TBX20: variants seen among roughly 807,000 people sequenced by gnomAD.
TBX20 encodes T-box transcription factor 20, also known as T-box transcription factor TBX20.
A neutral mutation model predicts 42.9 loss-of-function variants in TBX20; 8 were observed. The ratio of observed to expected loss-of-function variants is 0.19; its 90% CI spans 0.11 to 0.34. The LOEUF (loss-of-function observed/expected upper bound fraction) is 0.34, where lower values mean the gene tolerates loss of function less well. Among genes scored for constraint, TBX20 ranks in the 10% least tolerant of loss-of-function variants. TBX20 has a pLI of 1.00. For missense variants in TBX20, 411 were observed against 566.0 expected (o/e 0.73, Z 2.78); for synonymous variants, 198 against 222.8 (o/e 0.89, Z 0.99).
In TBX20 at chr7:35,253,671, C is replaced by T. The variant is rs776770010; in HGVS notation, c.-51G>A. The stretch of plus-strand genomic sequence containing the variant: ...GGGACGGGGTCGTCCGAACTGCCGT[C>T]CAGATTCCCCAAGGGAGACAAAGAC... On this transcript the variant is annotated 5_prime_UTR_variant, in exon 1 of 8. Coordinates refer to ENST00000408931, the MANE Select transcript of TBX20 (RefSeq NM_001077653.2). The T allele has an allele frequency of 5.0e-6, 8 of 1,596,086 alleles. No homozygotes were observed. The highest frequency in any genetic ancestry group is 3.4e-5 in the Admixed American group (2 of 58,598).
At chr7:35,211,828 G>A (rs57816259) in intron 6 of TBX20, among the ~76,000 whole-genome samples, 3,116 of 152,000 alleles carry the variant, frequency 0.021, 98 homozygotes, top group African/African-American at 0.07. Flanking sequence ...TATGTAATAC[G>A]TCTATCATTC....
At position 35,240,929 on chromosome 7, in the gene TBX20, T is replaced by C; in HGVS notation, c.763A>G (p.Ile255Val). 2 of 1,613,958 alleles carry C rather than the reference T, an allele frequency of 1.2e-6. No individual in the cohort carries two copies. The highest frequency in any genetic ancestry group is 1.7e-4 in the Middle Eastern group (1 of 6,056). Residue 255 changes from isoleucine to valine, a missense_variant, in exon 5 of 8, where the codon ATC becomes GTC. By Grantham distance (29) the Ile-to-Val change is conservative. Around this residue, in one of 5 missense-constraint regions of TBX20, gnomAD observed 121 missense variants for 165.9 expected, o/e 0.73. Transcript: ENST00000408931. ...GCCGTAAAAACTGTTTCTGGAAAGA[T>C]GAAAGTTCTAAATTCTTCAGACTTC... The part of the protein sequence containing the change: ...NLKSEEFRTF[I>V]FPETVFTAVT...
In TBX20 at chr7:35,241,131, C is replaced by T. The variant is rs575537686; in HGVS notation, c.655-94G>A. 3.9e-5 allele frequency: 44 copies of T among 1,123,476 alleles called. No individual in the cohort carries two copies. In the South Asian group the frequency reaches 5.7e-4, roughly 15 times the overall value. The allele number at this position is 1,123,476 out of a possible 1,614,324, so 69.6% of individuals were successfully genotyped here. ...AGGCAAGAAAGAACCAAATGGTCTA[C>T]AATTTCAAAGTCAATTTTAAGATAT... On this transcript the variant is annotated intron_variant, in intron 4 of 7. Coordinates refer to ENST00000408931, the MANE Select transcript of TBX20 (RefSeq NM_001077653.2).
chr7:35,210,309 G>A (rs1332208687), intron 6 of TBX20, among the ~76,000 whole-genome samples: 1 of 151,790 alleles, frequency 6.6e-6, no homozygotes, highest in Non-Finnish European at 1.5e-5. Context: ...TAGAGACCGG[G>A]TTTCACCATT....
intron 6 of TBX20, among the ~76,000 whole-genome samples, chr7:35,207,777 C>CT (rs1290289981): frequency 6.6e-6 from 1 of 152,122 alleles, no homozygotes; most frequent in African/African-American, 2.4e-5. Context: ...CTCTTGGACT[C>CT]TTTATTCTAT....
At chr7:35,214,537 C>A (rs1260545447) in intron 6 of TBX20, among the ~76,000 whole-genome samples, 5 of 152,188 alleles carry the variant, frequency 3.3e-5, no homozygotes, top group African/African-American at 1.2e-4. Context: ...ATAACACGGA[C>A]CCTAATTAAT....
At chr7:35,210,176 G>A (rs1260655028) in intron 6 of TBX20, among the ~76,000 whole-genome samples, 10 of 149,072 alleles carry the variant, frequency 6.7e-5, no homozygotes, top group East Asian at 5.9e-4. Flanking sequence ...GTGCAGTGGC[G>A]CAATCTCAGC....
intron 5 of TBX20, 66 bp from the exon 6 acceptor site, chr7:35,231,646 T>C: frequency 9.4e-7 from 1 of 1,065,656 alleles, no homozygotes. Flanking sequence ...CAGAAATAGT[T>C]TGTTCATTCT....
At chr7:35,234,298 A>G (rs370281378) in intron 5 of TBX20, among the ~76,000 whole-genome samples, 70 of 152,282 alleles carry the variant, frequency 4.6e-4, no homozygotes, top group South Asian at 1.0e-3. Context: ...TGAAAATCAC[A>G]TTTCTTGTTC....
chr7:35,237,675 G>A (rs758664439), intron 5 of TBX20, among the ~76,000 whole-genome samples: 16 of 152,138 alleles, frequency 1.1e-4, no homozygotes, highest in Non-Finnish European at 2.2e-4. Flanking sequence ...TATTTGTTTC[G>A]TTTTTTGTAT....
chr7:35,241,799 T>C (rs1790087814), intron 4 of TBX20, among the ~76,000 whole-genome samples: 1 of 152,188 alleles, frequency 6.6e-6, no homozygotes, highest in African/African-American at 2.4e-5. Context: ...ACACCCTTGT[T>C]AACAAGGCAG....
intron 3 of TBX20, among the ~76,000 whole-genome samples, chr7:35,246,045 A>G (rs936884209): frequency 3.9e-5 from 6 of 152,240 alleles, no homozygotes; most frequent in Non-Finnish European, 8.8e-5. Flanking sequence ...TATTTTTACT[A>G]GGGCAAAAGC....
chr7:35,204,491 T>C lies in TBX20; in HGVS notation c.982A>G (p.Ser328Gly), dbSNP rs1175252959. 7 of 1,613,368 alleles carry C rather than the reference T, an allele frequency of 4.3e-6. No homozygotes were observed. The highest frequency in any genetic ancestry group is 5.1e-6 in the Non-Finnish European group (6 of 1,179,442). ...TTACCTCGATTTGGGGTTGTCTGAC[T>C]CTCATCCCCCAAGACATCTTCTTCT... The part of the protein sequence containing the change: ...GGEEDVLGDE[S>G]QTTPNRGSAF... Residue 328 changes from serine to glycine, a missense_variant, in exon 7 of 8, where the codon AGT (serine) becomes GGT (glycine). Ser to Gly is a moderately conservative substitution (Grantham distance 56). This residue lies in a region of TBX20 where 162 missense variants were observed against 205.4 expected (regional missense o/e 0.79). Transcript: ENST00000408931.
chr7:35,231,647 T>C (rs1036020652), intron 5 of TBX20, 67 bp from the exon 6 acceptor site: 5 of 1,066,264 alleles, frequency 4.7e-6, no homozygotes, highest in Admixed American at 1.7e-5. Context: ...AGAAATAGTT[T>C]GTTCATTCTC....
chr7:35,233,808 A>G (rs918699618), intron 5 of TBX20, among the ~76,000 whole-genome samples: 3 of 152,350 alleles, frequency 2.0e-5, no homozygotes, highest in African/African-American at 7.2e-5. Flanking sequence ...GTTCATTAAT[A>G]TGCTTTCACA....
rs772093087 is a variant in TBX20, at chr7:35,231,560, A to T, written c.834T>A (p.Asp278Glu). Reference sequence around the variant, plus strand: ...GGAATCCTTTGGCAAAAGGATTGCTATCTATTTTCAGCTTCGTTATCTGGA... The same window carrying T: ...GGAATCCTTTGGCAAAAGGATTGCTTTCTATTTTCAGCTTCGTTATCTGGA... Reference protein sequence around the residue: ...QNQLITKLKIDSNPFAKGFRD... With the variant: ...QNQLITKLKIESNPFAKGFRD... The change falls in exon 6 of 8, where the codon GAT becomes GAA. Residue 278 changes from aspartate (D) to glutamate (E), a missense_variant. Around this residue, in one of 5 missense-constraint regions of TBX20, gnomAD observed 2 missense variants for 25.3 expected, o/e 0.08. Transcript: ENST00000408931. 6.2e-7 allele frequency: 1 copy of T among 1,612,940 alleles called. No homozygotes were observed. The highest frequency in any genetic ancestry group is 8.5e-7 in the Non-Finnish European group (1 of 1,178,974).
chr7:35,208,535 G>T (rs1444902895), intron 6 of TBX20, among the ~76,000 whole-genome samples: 1 of 151,900 alleles, frequency 6.6e-6, no homozygotes, highest in African/African-American at 2.4e-5. Flanking sequence ...CTGAGGTCGG[G>T]AGTTCAAGAC....
intron 6 of TBX20, among the ~76,000 whole-genome samples, chr7:35,225,741 C>A (rs2128712726): frequency 6.6e-6 from 1 of 152,276 alleles, no homozygotes; most frequent in East Asian, 1.9e-4. Flanking sequence ...ATAAATTCAA[C>A]ACGAGCCTAA....
intron 6 of TBX20, among the ~76,000 whole-genome samples, chr7:35,218,734 T>C (rs1411370869): frequency 6.6e-6 from 1 of 152,192 alleles, no homozygotes; most frequent in African/African-American, 2.4e-5. Flanking sequence ...TGTTCTGACA[T>C]CTGCTATAGT....
Sources: allele counts gnomAD v4.1 joint callset (sites outside exome capture counted in the v4.1 genomes callset), GRCh38; gene constraint gnomAD v4.1.1; regional missense constraint gnomAD v4.1.1; transcripts MANE v1.5; gene names NCBI Gene and HGNC (gene_info 2026-07-23, HGNC 2026-07-21).